Variants in NDNF observed in about 807,000 individuals in gnomAD.
NDNF encodes the protein neuron derived neurotrophic factor.
A neutral mutation model predicts 42.0 loss-of-function variants in NDNF; 16 were observed. The ratio of observed to expected loss-of-function variants is 0.38; its 90% CI spans 0.26 to 0.58. The LOEUF (loss-of-function observed/expected upper bound fraction) is 0.58. NDNF is among the 20% of genes least tolerant of loss of function. NDNF has a pLI of 0.67. For missense variants in NDNF, 616 were observed against 666.2 expected (o/e 0.92, Z 0.83); for synonymous variants, 248 against 251.7 (o/e 0.99, Z 0.14).
chr4:121,048,990 T>C (rs961011896), intron 1 of NDNF, among the ~76,000 whole-genome samples: 2 of 152,218 alleles, frequency 1.3e-5, no homozygotes, highest in African/African-American at 4.8e-5. Context: ...TTTCTCATTT[T>C]AAAAATGATC....
Position 121,045,661 on chromosome 4 carries a change from A to G in NDNF, c.177T>C (p.Asp59=), listed in dbSNP as rs758338722. Residue 59 remains aspartate (D), a synonymous_variant, in exon 2 of 4, where the codon GAT becomes GAC. Coordinates refer to ENST00000379692, the MANE Select transcript of NDNF (RefSeq NM_024574.4). ...TGCAGGGAGAATACCTCTTAGGTGT[A>G]TCTCTAAAGAGATAACTGCTAATTT... ...GAEISSYLFR[D]TPKRYFFVVE... is the part of the protein sequence containing the mutation. The G allele has an allele frequency of 5.0e-6, 8 of 1,613,950 alleles. No individual in the cohort carries two copies. Among genetic ancestry groups the G allele is most frequent in the Non-Finnish European group, 6.8e-6 (8 of 1,179,782 alleles).
intron 2 of NDNF, among the ~76,000 whole-genome samples, chr4:121,040,721 C>A (rs1397423114): frequency 6.6e-6 from 1 of 152,184 alleles, no homozygotes. Context: ...TAGCTCCCTG[C>A]AGCCTCAAAC....
intron 2 of NDNF, among the ~76,000 whole-genome samples, chr4:121,044,848 C>T (rs1363526312): frequency 6.6e-6 from 1 of 152,068 alleles, no homozygotes; most frequent in Admixed American, 6.6e-5. Flanking sequence ...CACCTATAGT[C>T]CCAGCTATTC....
At chr4:121,040,509 A>G (rs947210231) in intron 2 of NDNF, among the ~76,000 whole-genome samples, 1 of 152,244 alleles carries the variant, frequency 6.6e-6, no homozygotes, top group East Asian at 1.9e-4. Flanking sequence ...GGGCACTCTG[A>G]CATAGTTGCA....
At chr4:121,037,685 A>G (rs1392232710) in intron 3 of NDNF, 28 bp from the exon 4 acceptor site, 1 of 1,535,178 alleles carries the variant, frequency 6.5e-7, no homozygotes, top group South Asian at 1.3e-5. Context: ...AGCACAGGCT[A>G]CTGTCAGGGC....
rs1451278770 is a variant in NDNF at position 121,037,249 on chromosome 4, G to A, written c.722C>T (p.Pro241Leu). 9 of 1,613,952 alleles carry A rather than the reference G, an allele frequency of 5.6e-6. No homozygotes were observed. The highest frequency in any genetic ancestry group is 2.7e-5 in the African/African-American group (2 of 74,964). Residue 241 changes from proline (P) to leucine (L), a missense_variant, in exon 4 of 4, where the codon CCG (proline) becomes CTG (leucine). Pro to Leu is a moderately conservative substitution (Grantham distance 98, BLOSUM62 -3). Transcript: ENST00000379692. ...LSADDAFMMA[P>L]KPGLDFSPFD... ...GGGGCTGAAGTCCAGACCAGGTTTC[G>A]GTGCCATCATAAAAGCATCATCTGC...
At chr4:121,071,566 T>G (rs1251274848) in intron 1 of NDNF, 1 of 152,154 alleles carries the variant, frequency 6.6e-6, no homozygotes, top group Non-Finnish European at 1.5e-5. Flanking sequence ...ACAGCCCTCT[T>G]GGCAGGCGGG....
At chr4:121,039,633 G>A (rs986333213) in intron 3 of NDNF, among the ~76,000 whole-genome samples, 3 of 152,026 alleles carry the variant, frequency 2.0e-5, no homozygotes, top group Non-Finnish European at 4.4e-5. Context: ...AGCCTTATAC[G>A]TACGTGATTA....
chr4:121,056,214 C>T (rs998587397), intron 1 of NDNF, among the ~76,000 whole-genome samples: 3 of 152,012 alleles, frequency 2.0e-5, no homozygotes, highest in Non-Finnish European at 2.9e-5. Flanking sequence ...TGGAATAATC[C>T]GGAATGTAGC....
intron 1 of NDNF, among the ~76,000 whole-genome samples, chr4:121,060,987 C>A (rs938711414): frequency 6.6e-6 from 1 of 152,080 alleles, no homozygotes; most frequent in African/African-American, 2.4e-5. Context: ...GTACCAGGGA[C>A]CTTAAAGAGT....
chr4:121,064,622 C>A (rs989603035), intron 1 of NDNF, among the ~76,000 whole-genome samples: 6 of 152,020 alleles, frequency 3.9e-5, no homozygotes, highest in African/African-American at 1.4e-4. Context: ...AATTTGAGAG[C>A]TTTTTCAGCT....
chr4:121,071,273 A>T (rs970753180), intron 1 of NDNF, among the ~76,000 whole-genome samples: 1 of 151,966 alleles, frequency 6.6e-6, no homozygotes, highest in African/African-American at 2.4e-5. Context: ...TGCTCTCCGG[A>T]AGAAAGTATG....
intron 3 of NDNF, chr4:121,039,132 TA>T (rs1726932852): frequency 2.9e-5 from 1 of 34,342 alleles, no homozygotes; most frequent in African/African-American, 6.0e-5. Flanking sequence ...TATACATAGT[TA>T]TATATATATG....
At chr4:121,059,463 G>T (rs962412366) in intron 1 of NDNF, among the ~76,000 whole-genome samples, 2 of 152,216 alleles carry the variant, frequency 1.3e-5, no homozygotes, top group Non-Finnish European at 2.9e-5. Context: ...ATAGGCTATT[G>T]TGTGAAACCT....
intron 1 of NDNF, among the ~76,000 whole-genome samples, chr4:121,048,898 T>C (rs181174911): frequency 3.9e-4 from 60 of 152,210 alleles, no homozygotes; most frequent in Non-Finnish European, 6.8e-4. Context: ...ACATGCCACA[T>C]GCCAGGCATT....
chr4:121,051,910 A>G (rs1390885921), intron 1 of NDNF, among the ~76,000 whole-genome samples: 1 of 152,222 alleles, frequency 6.6e-6, no homozygotes, highest in Non-Finnish European at 1.5e-5. Flanking sequence ...TATCTGAGCA[A>G]TTCAAACAAT....
intron 1 of NDNF, among the ~76,000 whole-genome samples, chr4:121,060,974 G>C (rs1727395231): frequency 6.6e-6 from 1 of 152,202 alleles, no homozygotes; most frequent in South Asian, 2.1e-4. Flanking sequence ...TGAGTGAGTA[G>C]ATGTACCAGG....
At chr4:121,039,186 G>A (rs57552393) in intron 3 of NDNF, among the ~76,000 whole-genome samples, 755 of 16,234 alleles carry the variant, frequency 0.047, 36 homozygotes, top group Non-Finnish European at 0.11. Flanking sequence ...CTATGTGTGT[G>A]TGTGTGTATA....
chr4:121,062,624 G>A (rs1727431525), intron 1 of NDNF, among the ~76,000 whole-genome samples: 1 of 152,212 alleles, frequency 6.6e-6, no homozygotes, highest in African/African-American at 2.4e-5. Context: ...TACAATATGG[G>A]AATTCAGACC....
Sources: allele counts gnomAD v4.1 joint callset (sites outside exome capture counted in the v4.1 genomes callset), GRCh38; gene constraint gnomAD v4.1.1; transcripts MANE v1.5; gene names NCBI Gene and HGNC (gene_info 2026-07-23, HGNC 2026-07-21).